CHCHD3: variants seen among roughly 807,000 people sequenced by gnomAD.
CHCHD3 encodes the protein coiled-coil-helix-coiled-coil-helix domain containing 3.
In CHCHD3, 20 loss-of-function variants were observed where a neutral mutation model predicts 38.2. The ratio of observed to expected loss-of-function variants is 0.52; its 90% confidence interval spans 0.37 to 0.76. The LOEUF (loss-of-function observed/expected upper bound fraction) is 0.76. Ranked by LOEUF, CHCHD3 falls within the 30% of genes least tolerant of loss-of-function variation. CHCHD3 has a pLI of 0.00. For synonymous variants in CHCHD3, 82 were observed against 100.0 expected (o/e 0.82, Z 1.07); for missense variants, 245 against 279.2 (o/e 0.88, Z 0.87).
intron 6 of CHCHD3, among the ~76,000 whole-genome samples, chr7:132,813,776 G>A (rs1233312881): frequency 6.6e-6 from 1 of 152,182 alleles, no homozygotes; most frequent in Non-Finnish European, 1.5e-5. Flanking sequence ...CCCACAAAGT[G>A]TTCAGGTGGT....
rs1809058456 is a variant in CHCHD3, at chr7:132,881,571, T to C, written c.453+4091A>G. On this transcript the variant is annotated intron_variant, in intron 5 of 7. Transcript: ENST00000262570. The stretch of plus-strand genomic sequence containing the variant: ...CTCGTTGATGCAACATCCCTCTCCA[T>C]TAATGATACACCATCTGGTATCTAC... Among the ~76,000 whole-genome samples, 2 of 152,194 alleles carry C rather than the reference T, an allele frequency of 1.3e-5. 1 individual carries two copies. Among genetic ancestry groups the C allele is most frequent in the South Asian group, 4.1e-4 (2 of 4,830 alleles).
chr7:132,824,646 A>G (rs891639987), intron 6 of CHCHD3, among the ~76,000 whole-genome samples: 3 of 152,136 alleles, frequency 2.0e-5, no homozygotes, highest in Non-Finnish European at 4.4e-5. Flanking sequence ...TTGAATCTTT[A>G]TGCCCTATTA....
At chr7:132,895,192 T>C (rs185678489) in intron 4 of CHCHD3, among the ~76,000 whole-genome samples, 12 of 152,168 alleles carry the variant, frequency 7.9e-5, no homozygotes, top group Admixed American at 7.8e-4. Flanking sequence ...ATGAGGCCTC[T>C]AGCTTTTACT....
At chr7:132,923,502 C>T (rs1438690569) in intron 4 of CHCHD3, among the ~76,000 whole-genome samples, 1 of 152,028 alleles carries the variant, frequency 6.6e-6, no homozygotes, top group African/African-American at 2.4e-5. Context: ...GGACGTACAA[C>T]CAGCTGGAAT....
chr7:133,050,072 C>T (rs191337622), intron 2 of CHCHD3, among the ~76,000 whole-genome samples: 3 of 152,138 alleles, frequency 2.0e-5, no homozygotes, highest in East Asian at 1.9e-4. Flanking sequence ...AAGGGCCAGG[C>T]GTGGTGGCTC....
chr7:132,805,891 A>C (rs1455283015), intron 6 of CHCHD3, among the ~76,000 whole-genome samples: 2 of 152,196 alleles, frequency 1.3e-5, no homozygotes, highest in African/African-American at 4.8e-5. Context: ...TTAAAGAATA[A>C]ACATGCTCGA....
chr7:132,913,451 T>C lies in CHCHD3; in HGVS notation c.370-27706A>G, dbSNP rs374878651. Among the ~76,000 whole-genome samples, 19 of 152,020 alleles carry C rather than the reference T, an allele frequency of 1.2e-4. No homozygotes were observed. In the East Asian group the frequency reaches 1.9e-3, roughly 15 times the overall value. On this transcript the variant is annotated intron_variant, in intron 4 of 7. Coordinates refer to ENST00000262570, the MANE Select transcript of CHCHD3 (RefSeq NM_017812.4). ...AAGAGTCTGGGTAGGAATTCATCCA[T>C]CAGGCAAAAAAACAGGTCCCCCAGG...
intron 6 of CHCHD3, among the ~76,000 whole-genome samples, chr7:132,833,121 C>A (rs1807690314): frequency 6.6e-6 from 1 of 152,096 alleles, no homozygotes; most frequent in Non-Finnish European, 1.5e-5. Flanking sequence ...TAATTAATTA[C>A]CTATGAGGTA....
At chr7:133,070,519 T>G (rs1220154033) in intron 1 of CHCHD3, among the ~76,000 whole-genome samples, 2 of 152,174 alleles carry the variant, frequency 1.3e-5, no homozygotes, top group African/African-American at 2.4e-5. Flanking sequence ...TCTGGGGAAA[T>G]GTATGCTATA....
chr7:132,955,825 A>G (rs1451119979), intron 4 of CHCHD3, among the ~76,000 whole-genome samples: 1 of 152,170 alleles, frequency 6.6e-6, no homozygotes, highest in Admixed American at 6.5e-5. Context: ...GAAAAGTATC[A>G]AGAGGAAACA....
Position 133,081,847 on chromosome 7 carries a change from G to T in CHCHD3, c.81+10C>A. 1 of 1,552,522 alleles carries T rather than the reference G, an allele frequency of 6.4e-7. No individual in the cohort carries two copies. ...AACCACTGGCCCTCCGCCCGTCCAC[G>T]GGCACTCACCCGGATGCCCTTCACC... On this transcript the variant is annotated intron_variant, in intron 1 of 7. Transcript: ENST00000262570.
At chr7:133,060,887 G>A (rs1240500257) in intron 2 of CHCHD3, among the ~76,000 whole-genome samples, 3 of 152,076 alleles carry the variant, frequency 2.0e-5, no homozygotes, top group Non-Finnish European at 4.4e-5. Flanking sequence ...TCCAGCCTGG[G>A]CAACAACAGC....
intron 6 of CHCHD3, among the ~76,000 whole-genome samples, chr7:132,810,987 T>A (rs528746883): frequency 1.4e-4 from 21 of 152,198 alleles, no homozygotes; most frequent in Non-Finnish European, 3.1e-4. Flanking sequence ...GGATTATTCA[T>A]GCCATCTGCA....
At chr7:132,968,279 G>A (rs1267708030) in intron 4 of CHCHD3, among the ~76,000 whole-genome samples, 2 of 152,182 alleles carry the variant, frequency 1.3e-5, no homozygotes, top group Non-Finnish European at 2.9e-5. Flanking sequence ...CACCTGTCGT[G>A]AGGGATGCTT....
intron 4 of CHCHD3, among the ~76,000 whole-genome samples, chr7:132,938,938 G>C (rs1810697080): frequency 6.6e-6 from 1 of 152,206 alleles, no homozygotes; most frequent in Non-Finnish European, 1.5e-5. Flanking sequence ...TCCCTGGTGA[G>C]TGTCATTCTT....
chr7:132,866,088 C>T (rs780609787), intron 5 of CHCHD3, among the ~76,000 whole-genome samples: 4 of 152,084 alleles, frequency 2.6e-5, no homozygotes, highest in Admixed American at 6.6e-5. Context: ...CTATGGACAA[C>T]GTTAAAGGAG....
Position 133,035,515 on chromosome 7 carries a change from T to C in CHCHD3, c.170-10888A>G. 1 of 1,613,486 alleles carries C rather than the reference T, an allele frequency of 6.2e-7. No homozygotes were observed. Among genetic ancestry groups the C allele is most frequent in the Non-Finnish European group, 8.5e-7 (1 of 1,179,472 alleles). On this transcript the variant is annotated intron_variant, in intron 2 of 7. Coordinates refer to ENST00000262570, the MANE Select transcript of CHCHD3 (RefSeq NM_017812.4). The surrounding 1 kb of genome is among the most constrained non-coding windows in gnomAD (Gnocchi z 4.7). ...GCATCCAGCAGCCCCAGAATTCGCC[T>C]CACTTCCTCCTTTGCATTCTCAGTG...
At chr7:132,812,477 G>C (rs1807098144) in intron 6 of CHCHD3, among the ~76,000 whole-genome samples, 1 of 151,890 alleles carries the variant, frequency 6.6e-6, no homozygotes, top group Non-Finnish European at 1.5e-5. Context: ...CCAAAATGCT[G>C]GAATTACAGG....
At chr7:132,862,843 C>T (rs767559586) in intron 5 of CHCHD3, among the ~76,000 whole-genome samples, 1 of 152,176 alleles carries the variant, frequency 6.6e-6, no homozygotes, top group Non-Finnish European at 1.5e-5. Flanking sequence ...ACTTTCTTTG[C>T]TCATCATCTG....
Sources: allele counts gnomAD v4.1 joint callset (sites outside exome capture counted in the v4.1 genomes callset), GRCh38; gene constraint gnomAD v4.1.1; non-coding constraint Gnocchi (gnomAD v3.1); transcripts MANE v1.5; gene names NCBI Gene and HGNC (gene_info 2026-07-23, HGNC 2026-07-21).